The following SGCD variants were observed in gnomAD, a reference collection of about 807,000 sequenced individuals.
SGCD encodes the protein delta-sarcoglycan.
SGCD carries 18 observed loss-of-function variants against 36.6 expected under a neutral mutation model. The observed-to-expected ratio is 0.49, with a 90% CI of 0.34 to 0.73. The LOEUF (loss-of-function observed/expected upper bound fraction) is 0.73. SGCD is among the 30% of genes least tolerant of loss of function. The pLI is 0.01. For missense variants in SGCD, 387 were observed against 346.7 expected (o/e 1.12, Z -0.92); for synonymous variants, 133 against 130.6 (o/e 1.02, Z -0.12).
intron 1 of SGCD, among the ~76,000 whole-genome samples, chr5:156,077,677 A>T (rs1289294102): frequency 6.6e-6 from 1 of 152,136 alleles, no homozygotes. Context: ...AATAGTCTTG[A>T]AATCTTCATT....
the SGCD span, among the ~76,000 whole-genome samples, chr5:155,771,100 C>A: frequency 6.6e-6 from 1 of 151,904 alleles, no homozygotes; most frequent in East Asian, 1.9e-4. Flanking sequence ...ATAAATGGTC[C>A]TTGGCAATTT....
intron 3 of SGCD, among the ~76,000 whole-genome samples, chr5:156,257,803 G>A (rs749506776): frequency 6.6e-6 from 1 of 152,178 alleles, no homozygotes; most frequent in Non-Finnish European, 1.5e-5. Flanking sequence ...GGTGGAGGTT[G>A]CAGTGAGCCG....
At chr5:156,212,461 A>G (rs183537477) in intron 3 of SGCD, among the ~76,000 whole-genome samples, 26 of 152,324 alleles carry the variant, frequency 1.7e-4, no homozygotes. Flanking sequence ...AATTGTAAAT[A>G]TATGTGCACC....
chr5:156,338,331 C>A (rs557609644), intron 2 of SGCD, among the ~76,000 whole-genome samples: 1 of 152,130 alleles, frequency 6.6e-6, no homozygotes, highest in African/African-American at 2.4e-5. Flanking sequence ...AAAAAGTGAC[C>A]ACTTCAACGG....
intron 3 of SGCD, among the ~76,000 whole-genome samples, chr5:156,308,322 G>A (rs1206501685): frequency 7.3e-5 from 11 of 150,870 alleles, no homozygotes; most frequent in Middle Eastern, 3.4e-3. Context: ...TTTTTGAGAC[G>A]GAGTCTCGCC....
chr5:156,183,638 C>A (rs1763662572), intron 3 of SGCD, among the ~76,000 whole-genome samples: 1 of 152,128 alleles, frequency 6.6e-6, no homozygotes, highest in African/African-American at 2.4e-5. Context: ...AAACTCCTGG[C>A]CTCAAGTGAT....
intron 3 of SGCD, among the ~76,000 whole-genome samples, chr5:156,157,399 A>T (rs1049792285): frequency 6.6e-6 from 1 of 151,630 alleles, no homozygotes; most frequent in Non-Finnish European, 1.5e-5. Context: ...CAGGTATTGG[A>T]CTCCAAAGCT....
chr5:155,975,526 T>C (rs1561669170), intron 1 of SGCD, among the ~76,000 whole-genome samples: 1 of 152,014 alleles, frequency 6.6e-6, no homozygotes, highest in Non-Finnish European at 1.5e-5. Flanking sequence ...CTTGTTTGTT[T>C]TTATCATGAA....
At chr5:156,159,510 A>C (rs895511707) in intron 3 of SGCD, among the ~76,000 whole-genome samples, 1 of 151,414 alleles carries the variant, frequency 6.6e-6, no homozygotes, top group Non-Finnish European at 1.5e-5. Context: ...ACAAACAAAA[A>C]CCCTATCATA....
intron 3 of SGCD, among the ~76,000 whole-genome samples, chr5:156,179,644 C>A (rs1459175213): frequency 7.2e-6 from 1 of 139,540 alleles, no homozygotes; most frequent in Non-Finnish European, 1.5e-5. Context: ...TTTTTTGAGA[C>A]CGATTCTCAC....
chr5:156,179,858 AAGTGATCTACCTG>A (rs920915764), intron 3 of SGCD, among the ~76,000 whole-genome samples: 1 of 152,064 alleles, frequency 6.6e-6, no homozygotes, highest in Non-Finnish European at 1.5e-5. Flanking sequence ...TCCTCACCTC[AAGTGATCTACCTG>A]CCTGGGCCTC....
intron 7 of SGCD, among the ~76,000 whole-genome samples, chr5:156,649,376 A>T (rs1220359186): frequency 6.6e-6 from 1 of 152,200 alleles, no homozygotes; most frequent in Non-Finnish European, 1.5e-5. Context: ...TACCCAAAGG[A>T]TTATAAATCA....
At chr5:156,721,599 G>A (rs2113780679) in intron 7 of SGCD, among the ~76,000 whole-genome samples, 1 of 152,330 alleles carries the variant, frequency 6.6e-6, no homozygotes, top group East Asian at 1.9e-4. Context: ...GGGAATTTGG[G>A]ATCAATGGAT....
At chr5:156,353,691 C>T (rs1464178439) in intron 3 of SGCD, among the ~76,000 whole-genome samples, 1 of 152,218 alleles carries the variant, frequency 6.6e-6, no homozygotes, top group East Asian at 1.9e-4. Flanking sequence ...TCTCTCAGTG[C>T]TTTGACTGTG....
intron 3 of SGCD, among the ~76,000 whole-genome samples, chr5:156,502,785 C>T (rs2127865642): frequency 6.6e-6 from 1 of 152,226 alleles, no homozygotes; most frequent in Middle Eastern, 3.4e-3. Flanking sequence ...TATCAAGGTA[C>T]TTTGATGGGT....
At chr5:156,638,184 C>G in intron 6 of SGCD, among the ~76,000 whole-genome samples, 1 of 151,618 alleles carries the variant, frequency 6.6e-6, no homozygotes, top group Middle Eastern at 3.4e-3. Flanking sequence ...GTCTTGATTG[C>G]TGTCACACTG....
intron 3 of SGCD, among the ~76,000 whole-genome samples, chr5:156,156,705 T>A (rs1762973077): frequency 6.6e-6 from 1 of 151,356 alleles, no homozygotes; most frequent in Non-Finnish European, 1.5e-5. Context: ...GGGTGGAGAC[T>A]AGGAATGTAT....
intron 6 of SGCD, among the ~76,000 whole-genome samples, chr5:156,612,449 G>C (rs1030937649): frequency 3.7e-4 from 57 of 152,202 alleles, no homozygotes; most frequent in African/African-American, 1.3e-3. Flanking sequence ...GTTGGGCTTG[G>C]TGCATTTGGC....
intron 6 of SGCD, among the ~76,000 whole-genome samples, chr5:156,637,071 G>T (rs917340421): frequency 6.6e-6 from 1 of 152,098 alleles, no homozygotes; most frequent in Non-Finnish European, 1.5e-5. Flanking sequence ...GACCCAGGGG[G>T]AGGTAATTGA....
Sources: gnomAD v4.1 joint callset for allele counts (sites outside exome capture counted in the v4.1 genomes callset) on GRCh38, gnomAD v4.1.1 for gene constraint, MANE v1.5 for transcripts, NCBI Gene and HGNC (gene_info 2026-07-23, HGNC 2026-07-21) for gene names.